ANO5: variants seen among roughly 807,000 people sequenced by gnomAD.
The protein encoded by ANO5 is anoctamin-5.
ANO5 carries 109 observed loss-of-function variants against 121.0 expected under a neutral mutation model. The ratio of observed to expected loss-of-function variants is 0.90; its 90% CI spans 0.77 to 1.06. The LOEUF (loss-of-function observed/expected upper bound fraction) is 1.06, where lower values mean the gene tolerates loss of function less well. Ranked by LOEUF, ANO5 falls within the 50% of genes least tolerant of loss-of-function variation. The pLI is 0.00. For synonymous variants in ANO5, 406 were observed against 359.9 expected, an observed-to-expected ratio of 1.13 and a Z score of -1.45; for missense variants, 1,064 against 1,078.5, an observed-to-expected ratio of 0.99 and a Z score of 0.19.
At chr11:22,251,139 G>T in intron 12 of ANO5, 128 bp downstream of exon 12, 3 of 967,284 alleles carry the variant, frequency 3.1e-6, no homozygotes, top group Non-Finnish European at 4.8e-6. Flanking sequence ...GTCTTTGTTA[G>T]CATTAATATA....
chr11:22,270,350 C>G lies in ANO5; in HGVS notation c.1937C>G (p.Thr646Arg). 4 of 1,614,110 alleles carry G rather than the reference C, an allele frequency of 2.5e-6. No homozygotes were observed. Among genetic ancestry groups the G allele is most frequent in the Non-Finnish European group, 3.4e-6 (4 of 1,180,008 alleles). Residue 646 changes from threonine to arginine, a missense_variant, in exon 18 of 22, where the codon ACA (threonine) becomes AGA (arginine). Thr to Arg is a moderately conservative substitution (Grantham distance 71, BLOSUM62 -1). Transcript: ENST00000324559. ...TGGTGGAGACGCCGAAAAGCTCGGACAAACTCTGAGAAGCTGTATAGTCGA... is the reference window on the plus strand; with the variant it reads ...TGGTGGAGACGCCGAAAAGCTCGGAGAAACTCTGAGAAGCTGTATAGTCGA... ...LNWWRRRKAR[T>R]NSEKLYSRWE...
At chr11:22,198,223 T>A (rs1044386367) in intron 1 of ANO5, among the ~76,000 whole-genome samples, 2 of 152,126 alleles carry the variant, frequency 1.3e-5, no homozygotes, top group African/African-American at 2.4e-5. Context: ...TGGAGGGATG[T>A]GTATTTGAGC....
intron 12 of ANO5, among the ~76,000 whole-genome samples, chr11:22,255,099 A>T (rs1370710584): frequency 6.6e-6 from 1 of 152,210 alleles, no homozygotes; most frequent in Non-Finnish European, 1.5e-5. Flanking sequence ...AATTGTCTGA[A>T]TGAAGAAATA....
intron 1 of ANO5, among the ~76,000 whole-genome samples, chr11:22,195,020 C>G (rs1051590906): frequency 2.0e-5 from 3 of 152,144 alleles, no homozygotes; most frequent in Non-Finnish European, 4.4e-5. Flanking sequence ...AAACTGTTTT[C>G]CAGGCATCTG....
intron 2 of ANO5, among the ~76,000 whole-genome samples, chr11:22,207,545 G>A (rs1228018293): frequency 1.3e-5 from 2 of 152,038 alleles, no homozygotes; most frequent in African/African-American, 2.4e-5. Flanking sequence ...TGGACTAAAT[G>A]TAAAATGTAA....
At chr11:22,243,428 A>T (rs2133679902) in intron 9 of ANO5, among the ~76,000 whole-genome samples, 1 of 152,214 alleles carries the variant, frequency 6.6e-6, no homozygotes, top group Admixed American at 6.5e-5. Context: ...TGCTGGTTTC[A>T]TAGAACGAGT....
intron 2 of ANO5, among the ~76,000 whole-genome samples, chr11:22,210,109 T>G (rs1852232524): frequency 6.6e-6 from 1 of 151,958 alleles, no homozygotes; most frequent in South Asian, 2.1e-4. Flanking sequence ...TAATCACATA[T>G]AAGTGGATTC....
At chr11:22,260,910 T>C (rs1854166707) in intron 15 of ANO5, among the ~76,000 whole-genome samples, 1 of 152,214 alleles carries the variant, frequency 6.6e-6, no homozygotes, top group Admixed American at 6.5e-5. Context: ...CAGATCATGA[T>C]CATGCATTTT....
At chr11:22,217,793 G>A (rs1478177449) in intron 3 of ANO5, among the ~76,000 whole-genome samples, 4 of 149,996 alleles carry the variant, frequency 2.7e-5, no homozygotes, top group African/African-American at 5.0e-5. Context: ...GAGGATGGGA[G>A]GAGGGAGAGA....
intron 4 of ANO5, among the ~76,000 whole-genome samples, chr11:22,218,771 C>T (rs1852544818): frequency 6.6e-6 from 1 of 151,850 alleles, no homozygotes; most frequent in Non-Finnish European, 1.5e-5. Context: ...CCATGTTGTC[C>T]AGGCTGGTCT....
intron 15 of ANO5, chr11:22,261,178 C>A (rs2133743992): frequency 6.6e-6 from 1 of 152,274 alleles, no homozygotes; most frequent in Middle Eastern, 3.4e-3. Flanking sequence ...TTTGTTTTCA[C>A]ACTGCTATAA....
chr11:22,228,559 A>T (rs1852925509), intron 7 of ANO5, among the ~76,000 whole-genome samples: 1 of 151,956 alleles, frequency 6.6e-6, no homozygotes, highest in Non-Finnish European at 1.5e-5. Context: ...TAGTCATCCT[A>T]CTATGCAATA....
In ANO5 at chr11:22,257,695, A is replaced by C. The variant is rs1362712764; in HGVS notation, c.1348A>C (p.Met450Leu). ...NAVTKEMEPY[M>L]PLYTRIPWYF... Reference sequence around the variant, plus strand: ...AATATTACAGGAGATGGAACCTTACATGCCTCTATACACGCGTATTCCATG... The same window carrying C: ...AATATTACAGGAGATGGAACCTTACCTGCCTCTATACACGCGTATTCCATG... Residue 450 changes from methionine (M) to leucine (L), a missense_variant, in exon 14 of 22, where the codon ATG becomes CTG. Physicochemically the swap from Met to Leu is conservative, Grantham distance 15 (BLOSUM62 2). Transcript: ENST00000324559. The C allele has an allele frequency of 6.2e-7, 1 of 1,611,624 alleles. No individual in the cohort carries two copies. The highest frequency in any genetic ancestry group is 8.5e-7 in the Non-Finnish European group (1 of 1,178,046).
intron 7 of ANO5, among the ~76,000 whole-genome samples, chr11:22,233,406 A>G (rs1590255396): frequency 2.6e-5 from 4 of 152,076 alleles, no homozygotes; most frequent in East Asian, 1.9e-4. Flanking sequence ...AATTTAAAAA[A>G]TATATATAAA....
rs1852539401 is a variant in ANO5, at chr11:22,218,563, T to C, written c.180+276T>C. Among the ~76,000 whole-genome samples the C allele has an allele frequency of 2.6e-5, 4 of 151,988 alleles. No individual in the cohort carries two copies. The South Asian group carries it at 8.3e-4, about 32-fold the overall frequency. On this transcript the variant is annotated intron_variant, in intron 4 of 21. Transcript: ENST00000324559. ...AACTCTCATCAGGAATGCAGGGTTT[T>C]ATTTTGTTTTGTTTTCACACAGAGT... is the stretch of plus-strand genomic sequence containing the variant.
chr11:22,269,769 T>C (rs1854541262), intron 17 of ANO5, among the ~76,000 whole-genome samples: 1 of 152,206 alleles, frequency 6.6e-6, no homozygotes, highest in South Asian at 2.1e-4. Flanking sequence ...GTCAATGTGA[T>C]ATATTTATTG....
rs1855126090 is a variant in ANO5 at position 22,282,735 on chromosome 11, G to A, written c.*2970G>A. On this transcript the variant is annotated 3_prime_UTR_variant, in exon 22 of 22. Coordinates refer to ENST00000324559, the MANE Select transcript of ANO5 (RefSeq NM_213599.3). ...CAAAATAAAACTTAGATTCCAAAGTGGTTTTGTAGTGTTGGGTGCTATGAG... is the reference window on the plus strand; with the variant it reads ...CAAAATAAAACTTAGATTCCAAAGTAGTTTTGTAGTGTTGGGTGCTATGAG... 1.3e-5 allele frequency: 2 copies of A among 152,116 alleles called. No individual in the cohort carries two copies. Among genetic ancestry groups the A allele is most frequent in the South Asian group, 4.1e-4 (2 of 4,832 alleles). The allele number at this position is 152,116 out of a possible 1,614,324, so 9.4% of individuals were successfully genotyped here. A position where few individuals can be genotyped will look rare whatever the true frequency, so the allele number is the denominator to read the frequency against.
intron 19 of ANO5, 112 bp from the exon 20 acceptor site, chr11:22,274,457 T>G (rs942310592): frequency 1.0e-6 from 1 of 974,564 alleles, no homozygotes; most frequent in African/African-American, 1.7e-5. Context: ...TATAATAGTA[T>G]TTAATCATTT....
chr11:22,253,856 C>T (rs1406279384), intron 12 of ANO5, among the ~76,000 whole-genome samples: 1 of 152,030 alleles, frequency 6.6e-6, no homozygotes, highest in Non-Finnish European at 1.5e-5. Flanking sequence ...AATAGCCAAA[C>T]TTATGGAATC....
Sources: allele counts gnomAD v4.1 joint callset (sites outside exome capture counted in the v4.1 genomes callset), GRCh38; gene constraint gnomAD v4.1.1; transcripts MANE v1.5; gene names NCBI Gene and HGNC (gene_info 2026-07-23, HGNC 2026-07-21).